GPHN: variants seen among roughly 807,000 people sequenced by gnomAD.
The protein encoded by GPHN is gephyrin.
A neutral mutation model predicts 95.5 loss-of-function variants in GPHN; 17 were observed. The observed-to-expected ratio is 0.18, with a 90% confidence interval of 0.12 to 0.27. GPHN has a LOEUF of 0.27. Ranked by LOEUF, GPHN falls within the 10% of genes least tolerant of loss-of-function variation. GPHN has a pLI of 1.00. For missense variants in GPHN, 660 were observed against 978.1 expected (o/e 0.67, Z 4.34); for synonymous variants, 320 against 322.5 (o/e 0.99, Z 0.08).
chr14:67,593,922 T>C, the GPHN span: 1 of 1,613,042 alleles, frequency 6.2e-7, no homozygotes, highest in Non-Finnish European at 8.5e-7. Context: ...AAGAGGGTGA[T>C]GAAGATGGCA....
the GPHN span, among the ~76,000 whole-genome samples, chr14:67,484,886 A>G: frequency 6.6e-6 from 1 of 152,282 alleles, no homozygotes; most frequent in South Asian, 2.1e-4. Flanking sequence ...GCAACCTGCC[A>G]TTTTTACTTG....
intron 17 of GPHN, among the ~76,000 whole-genome samples, chr14:67,133,674 A>G (rs1285985196): frequency 6.6e-6 from 1 of 152,198 alleles, no homozygotes; most frequent in Non-Finnish European, 1.5e-5. Context: ...CCCTCTGAAT[A>G]TATTCTTTCT....
intron 1 of GPHN, among the ~76,000 whole-genome samples, chr14:66,538,939 C>T (rs2059243185): frequency 6.6e-6 from 1 of 152,030 alleles, no homozygotes; most frequent in South Asian, 2.1e-4. Context: ...GATGATTCCC[C>T]TTTTTAGTTG....
At chr14:66,865,641 A>G (rs2153523836) in intron 4 of GPHN, among the ~76,000 whole-genome samples, 2 of 152,242 alleles carry the variant, frequency 1.3e-5, no homozygotes, top group Middle Eastern at 6.8e-3. Context: ...GTTGAGTAAA[A>G]TGTCAGTTTC....
At chr14:66,537,874 C>G (rs2059199436) in intron 1 of GPHN, among the ~76,000 whole-genome samples, 1 of 152,152 alleles carries the variant, frequency 6.6e-6, no homozygotes, top group South Asian at 2.1e-4. Context: ...GTTACTGAGG[C>G]TGGAGTGCAG....
At chr14:67,529,520 C>T in the GPHN span, among the ~76,000 whole-genome samples, 632 of 152,200 alleles carry the variant, frequency 4.2e-3, 5 homozygotes, top group Middle Eastern at 6.8e-3. Flanking sequence ...TAGGACACTT[C>T]CTCCCATCTT....
At chr14:67,572,404 A>T in the GPHN span, 66 of 118,874 alleles carry the variant, frequency 5.6e-4, no homozygotes, top group Non-Finnish European at 7.3e-4. Flanking sequence ...GGATGGGGGC[A>T]GGGGGCGTGG....
At chr14:67,492,079 T>TC in the GPHN span, among the ~76,000 whole-genome samples, 4 of 151,738 alleles carry the variant, frequency 2.6e-5, no homozygotes, top group Non-Finnish European at 5.9e-5. Context: ...CCCTCTCCTC[T>TC]CCCCCTTCCT....
At chr14:67,224,264 T>C in the GPHN span, among the ~76,000 whole-genome samples, 4 of 150,132 alleles carry the variant, frequency 2.7e-5, no homozygotes, top group Non-Finnish European at 5.9e-5. Context: ...CTTTTCTTTT[T>C]TTTTTTTTTT....
chr14:67,580,182 C>T, the GPHN span: 2 of 285,074 alleles, frequency 7.0e-6, no homozygotes, highest in Non-Finnish European at 1.3e-5. Context: ...CCCACGAAGC[C>T]ACTGCCTACA....
At chr14:66,602,773 T>G (rs757864686) in intron 1 of GPHN, among the ~76,000 whole-genome samples, 8 of 151,928 alleles carry the variant, frequency 5.3e-5, no homozygotes, top group Middle Eastern at 3.2e-3. Context: ...CTTGCAAGCT[T>G]GGATTCATAT....
the GPHN span, among the ~76,000 whole-genome samples, chr14:67,365,798 G>A: frequency 6.6e-6 from 1 of 152,110 alleles, no homozygotes; most frequent in African/African-American, 2.4e-5. Flanking sequence ...CTCCTCAGCC[G>A]TCTGGTTTAC....
chr14:66,812,537 A>C (rs902515221), intron 3 of GPHN, among the ~76,000 whole-genome samples: 1 of 152,212 alleles, frequency 6.6e-6, no homozygotes, highest in African/African-American at 2.4e-5. Context: ...CAGTAAAGGA[A>C]CATATGCTTG....
At chr14:66,543,902 C>G (rs966445875) in intron 1 of GPHN, among the ~76,000 whole-genome samples, 1 of 152,130 alleles carries the variant, frequency 6.6e-6, no homozygotes, top group Non-Finnish European at 1.5e-5. Context: ...GCAGTCTTTT[C>G]CAAACAGCCT....
At chr14:67,144,077 A>C (rs1567399403) in intron 18 of GPHN, among the ~76,000 whole-genome samples, 1 of 150,234 alleles carries the variant, frequency 6.7e-6, no homozygotes, top group Non-Finnish European at 1.5e-5. Flanking sequence ...CTCTACAAAA[A>C]AAATCCAAAA....
intron 4 of GPHN, among the ~76,000 whole-genome samples, chr14:66,850,646 GC>G (rs796946743): frequency 1.3e-5 from 2 of 152,088 alleles, no homozygotes; most frequent in East Asian, 3.9e-4. Flanking sequence ...GGTGGGTAGA[GC>G]CCAGGAATGC....
chr14:67,575,386 T>G, the GPHN span: 4 of 1,584,346 alleles, frequency 2.5e-6, no homozygotes, highest in Non-Finnish European at 3.5e-6. Flanking sequence ...CATTTCTGTC[T>G]TACAGGTAAA....
At chr14:67,263,066 C>A in the GPHN span, among the ~76,000 whole-genome samples, 2 of 152,124 alleles carry the variant, frequency 1.3e-5, no homozygotes, top group Non-Finnish European at 2.9e-5. Flanking sequence ...ATCCTTGATA[C>A]TCTTTAGCTT....
Position 66,508,498 on chromosome 14 carries a change from C to G in GPHN, c.-30C>G, listed in dbSNP as rs1273999161. The stretch of plus-strand genomic sequence containing the variant: ...CTCCGGGCTCCGGTTTCTCCCGGCT[C>G]CTGTCAGTGCGGTGACTGCGCTGGG... On this transcript the variant is annotated 5_prime_UTR_variant, in exon 1 of 23. Transcript: ENST00000478722. 6.2e-7 allele frequency: 1 copy of G among 1,610,268 alleles called. No homozygotes were observed. Among genetic ancestry groups the G allele is most frequent in the Non-Finnish European group, 8.5e-7 (1 of 1,176,484 alleles).
Sources: gnomAD v4.1 joint callset for allele counts (sites outside exome capture counted in the v4.1 genomes callset) on GRCh38, gnomAD v4.1.1 for gene constraint, MANE v1.5 for transcripts, NCBI Gene and HGNC (gene_info 2026-07-23, HGNC 2026-07-21) for gene names.